The following PCDH1 variants were observed in gnomAD, a reference collection of about 807,000 sequenced individuals.
The protein encoded by PCDH1 is protocadherin 1.
PCDH1 carries 23 observed loss-of-function variants against 74.6 expected under a neutral mutation model. The observed-to-expected ratio is 0.31, with a 90% CI of 0.22 to 0.44. PCDH1 has a LOEUF of 0.44. Among genes scored for constraint, PCDH1 ranks in the 20% least tolerant of loss-of-function variants. The pLI is 1.00. For missense variants in PCDH1, 1,214 were observed against 1,641.4 expected (o/e 0.74, Z 4.50); for synonymous variants, 647 against 686.1 (o/e 0.94, Z 0.89).
In PCDH1 at chr5:141,863,493, A is replaced by T; in HGVS notation, c.2838T>A (p.Pro946=). The change falls in exon 3 of 5, where the codon CCT becomes CCA. Residue 946 remains proline (P), a synonymous_variant. Coordinates refer to ENST00000287008, the MANE Select transcript of PCDH1 (RefSeq NM_032420.5). This position sits in a 1 kb window ranked among gnomAD's most constrained non-coding sequence, Gnocchi z 7.5. ...GCAGGTGGATGCGGGGACTGTCCCC[A>T]GGGGCATCGCTCATCAGGTTGAACT... The part of the protein sequence containing the change: ...SLKFNLMSDA[P]GDSPRIHLPL... 1 of 1,610,716 alleles carries T rather than the reference A, an allele frequency of 6.2e-7. No homozygotes were observed. Among genetic ancestry groups the T allele is most frequent in the Non-Finnish European group, 8.5e-7 (1 of 1,178,378 alleles).
Position 141,863,415 on chromosome 5 carries a change from G to A in PCDH1, c.2916C>T (p.Asn972=). ...SPDLGRHYRS[N]SPLPSIQLQP... The stretch of plus-strand genomic sequence containing the variant: ...GCAGCTGGATGGAAGGCAGTGGGGA[G>A]TTAGAGCGATAGTGGCGGCCCAGGT... Residue 972 remains asparagine (N), a synonymous_variant, in exon 3 of 5, where the codon AAC becomes AAT. Coordinates refer to ENST00000287008, the MANE Select transcript of PCDH1 (RefSeq NM_032420.5). The surrounding 1 kb of genome is among the most constrained non-coding windows in gnomAD (Gnocchi z 7.5). 1.3e-6 allele frequency: 2 copies of A among 1,561,530 alleles called. No individual in the cohort carries two copies. Among genetic ancestry groups the A allele is most frequent in the Non-Finnish European group, 1.7e-6 (2 of 1,152,602 alleles).
chr5:141,864,047 A>G lies in PCDH1; in HGVS notation c.2284T>C (p.Tyr762His), dbSNP rs746122597. The part of the protein sequence containing the change: ...LIYSIAGGNP[Y>H]GLFQIGSHSG... ...TGTGACCCAATCTGGAAGAGTCCAT[A>G]AGGGTTGCCACCTGCAATGCTGTAG... The change falls in exon 3 of 5, where the codon TAT becomes CAT. Residue 762 changes from tyrosine (Y) to histidine (H), a missense_variant. Coordinates refer to ENST00000287008, the MANE Select transcript of PCDH1 (RefSeq NM_032420.5). This position sits in a 1 kb window ranked among gnomAD's most constrained non-coding sequence, Gnocchi z 5.9. The G allele has an allele frequency of 2.2e-5, 35 of 1,613,964 alleles. No individual in the cohort carries two copies. Among genetic ancestry groups the G allele is most frequent in the Non-Finnish European group, 3.0e-5 (35 of 1,179,984 alleles).
Position 141,862,265 on chromosome 5 carries a change from C to G in PCDH1, c.3099+967G>C, listed in dbSNP as rs117384976. ...GCTGAATGCTACTCCCTACCAGGTG[C>G]TCCAGTCTGAGGTCTGTCAGAGGCA... On this transcript the variant is annotated intron_variant, in intron 3 of 4. Transcript: ENST00000287008. 6.7e-4 allele frequency among the ~76,000 whole-genome samples: 102 copies of G among 152,320 alleles called. 1 individual carries two copies. The East Asian group carries it at 0.014, about 21-fold the overall frequency.
In PCDH1 at chr5:141,869,881, C is replaced by T. The variant is rs1010333753; in HGVS notation, c.41-450G>A. 35 of 838,652 alleles carry T rather than the reference C, an allele frequency of 4.2e-5. No individual in the cohort carries two copies. Among genetic ancestry groups the T allele is most frequent in the Non-Finnish European group, 4.7e-5 (33 of 696,000 alleles). The allele number at this position is 838,652 out of a possible 1,614,324, so 52.0% of individuals were successfully genotyped here. Reference sequence around the variant, plus strand: ...GAGAGCCAGTGGAAGGGTGAGACCTCGAGCATCCCCAACTGGAGCACCCCT... The same window carrying T: ...GAGAGCCAGTGGAAGGGTGAGACCTTGAGCATCCCCAACTGGAGCACCCCT... On this transcript the variant is annotated intron_variant, in intron 1 of 4. Coordinates refer to ENST00000287008, the MANE Select transcript of PCDH1 (RefSeq NM_032420.5). The surrounding 1 kb of genome is among the most constrained non-coding windows in gnomAD (Gnocchi z 4.9).
intron 1 of PCDH1, among the ~76,000 whole-genome samples, chr5:141,877,544 G>A (rs1425746378): frequency 1.3e-5 from 2 of 152,174 alleles, no homozygotes; most frequent in African/African-American, 2.4e-5. Context: ...GATTGTGTTT[G>A]TGTGTCCACG....
Position 141,863,538 on chromosome 5 carries a change from G to A in PCDH1, c.2793C>T (p.Ala931=), listed in dbSNP as rs952590669. ...TGAACTTGAGGGACTTCTGCAGCCC[G>A]GCCTCATCCTCGTCCTCCACTGGCT... The part of the protein sequence containing the change: ...PVKPVEDEDE[A]GLQKSLKFNL... Residue 931 remains alanine, a synonymous_variant, in exon 3 of 5, where the codon GCC becomes GCT. Transcript: ENST00000287008. This position sits in a 1 kb window ranked among gnomAD's most constrained non-coding sequence, Gnocchi z 7.5. 1.2e-5 allele frequency: 20 copies of A among 1,614,056 alleles called. No homozygotes were observed. The highest frequency in any genetic ancestry group is 2.2e-5 in the South Asian group (2 of 91,074).
rs143996140 is a variant in PCDH1, at chr5:141,863,958, C to G, written c.2373G>C (p.Val791=). 677 of 1,614,168 alleles carry G rather than the reference C, an allele frequency of 4.2e-4. 1 individual carries two copies. The African/African-American group carries it at 7.9e-3, about 19-fold the overall frequency. Residue 791 remains valine (V), a synonymous_variant, in exon 3 of 5, where the codon GTG becomes GTC. Coordinates refer to ENST00000287008, the MANE Select transcript of PCDH1 (RefSeq NM_032420.5). This position sits in a 1 kb window ranked among gnomAD's most constrained non-coding sequence, Gnocchi z 7.5. The stretch of plus-strand genomic sequence containing the variant: ...GCTTGCCGCGGTCACTGACCTTCAC[C>G]ACCAGGCGGTGTAGCCCATGGTGGC... ...ERRHHGLHRL[V]VKVSDRGKPP... is the part of the protein sequence containing the mutation.
At position 141,854,040 on chromosome 5, in the gene PCDH1, G is replaced by A. The variant is rs765425424; in HGVS notation, c.*2C>T. ...AGGGGGGCCGGCCGGCCAGTAGGGG[G>A]CTCACAGGTAGATCTCGCGCTTGGC... is the stretch of plus-strand genomic sequence containing the variant. On this transcript the variant is annotated 3_prime_UTR_variant, in exon 5 of 5. Coordinates refer to ENST00000287008, the MANE Select transcript of PCDH1 (RefSeq NM_032420.5). 4 of 1,504,362 alleles carry A rather than the reference G, an allele frequency of 2.7e-6. No homozygotes were observed. The highest frequency in any genetic ancestry group is 1.4e-5 in the African/African-American group (1 of 71,558). The allele number at this position is 1,504,362 out of a possible 1,614,324, so 93.2% of individuals were successfully genotyped here.
At position 141,868,502 on chromosome 5, in the gene PCDH1, C is replaced by G. The variant is rs758554705; in HGVS notation, c.903+67G>C. The G allele has an allele frequency of 1.3e-6, 2 of 1,509,186 alleles. No individual in the cohort carries two copies. The highest frequency in any genetic ancestry group is 8.8e-7 in the Non-Finnish European group (1 of 1,130,986). The allele number at this position is 1,509,186 out of a possible 1,614,324, so 93.5% of individuals were successfully genotyped here. A position where few individuals can be genotyped will look rare whatever the true frequency, so the allele number is the denominator to read the frequency against. ...TCCCCTAAGTGAAGGGAACTCTCAC[C>G]TGGTTGGGTGGGCTCCCATTTCTAG... is the stretch of plus-strand genomic sequence containing the variant. On this transcript the variant is annotated intron_variant, in intron 2 of 4. Transcript: ENST00000287008. This position sits in a 1 kb window ranked among gnomAD's most constrained non-coding sequence, Gnocchi z 4.8.
At position 141,863,295 on chromosome 5, in the gene PCDH1, C is replaced by T. The variant is rs748478263; in HGVS notation, c.3036G>A (p.Thr1012=). ...TGTAGTCGGAGTACTGCTCAGAGCCCGTGGACGTGGTGTCCCCGGTGCCCA... is the reference window on the plus strand; with the variant it reads ...TGTAGTCGGAGTACTGCTCAGAGCCTGTGGACGTGGTGTCCCCGGTGCCCA... ...TFVGTGDTTS[T]GSEQYSDYSY... Residue 1012 remains threonine, a synonymous_variant, in exon 3 of 5, where the codon ACG becomes ACA. Transcript: ENST00000287008. The surrounding 1 kb of genome is among the most constrained non-coding windows in gnomAD (Gnocchi z 7.5). 1.2e-5 allele frequency: 19 copies of T among 1,576,740 alleles called. No homozygotes were observed. The highest frequency in any genetic ancestry group is 5.4e-5 in the Admixed American group (3 of 55,280).
chr5:141,867,699 T>G (rs1037260703), intron 2 of PCDH1: 1 of 420,656 alleles, frequency 2.4e-6, no homozygotes, highest in Admixed American at 3.0e-5. Context: ...CCAGGATGGG[T>G]AATGGTGTCC....
At chr5:141,856,306 T>A in intron 4 of PCDH1, 1 of 1,100,768 alleles carries the variant, frequency 9.1e-7, no homozygotes, top group Middle Eastern at 2.2e-4. Flanking sequence ...AGATCGCGCA[T>A]GGAGGGGCGG....
Position 141,858,252 on chromosome 5 carries a change from G to C in PCDH1, c.3100-781C>G, listed in dbSNP as rs559101059. ...GGCCTGGGAGTGGAAAAAAAGGGAG[G>C]AGCCTGATAACAAACCAGGGCACCT... On this transcript the variant is annotated intron_variant, in intron 3 of 4. Transcript: ENST00000287008. 3.3e-5 allele frequency among the ~76,000 whole-genome samples: 5 copies of C among 152,286 alleles called. No homozygotes were observed. In the East Asian group the frequency reaches 9.6e-4, roughly 29 times the overall value.
intron 1 of PCDH1, among the ~76,000 whole-genome samples, chr5:141,874,208 AG>A (rs941101857): frequency 2.6e-5 from 4 of 152,176 alleles, no homozygotes; most frequent in African/African-American, 9.7e-5. Context: ...CTGTTCACCC[AG>A]GGGCCCGTAG....
intron 3 of PCDH1, among the ~76,000 whole-genome samples, chr5:141,862,110 G>T (rs1378457374): frequency 6.6e-6 from 1 of 152,184 alleles, no homozygotes; most frequent in Non-Finnish European, 1.5e-5. Context: ...GAGGGCCAGC[G>T]AATTGCTGGG....
rs1316636065 is a variant in PCDH1, at chr5:141,869,835, C to T, written c.41-404G>A. 1.0e-6 allele frequency: 1 copy of T among 980,736 alleles called. No individual in the cohort carries two copies. Among genetic ancestry groups the T allele is most frequent in the African/African-American group, 1.7e-5 (1 of 57,144 alleles). The allele number at this position is 980,736 out of a possible 1,614,324, so 60.8% of individuals were successfully genotyped here. The stretch of plus-strand genomic sequence containing the variant: ...TGCCTTAGTCACCGATGGTAATTAC[C>T]TTGATACTGAGATAGGGAGAGAGAG... On this transcript the variant is annotated intron_variant, in intron 1 of 4. Coordinates refer to ENST00000287008, the MANE Select transcript of PCDH1 (RefSeq NM_032420.5). The surrounding 1 kb of genome is among the most constrained non-coding windows in gnomAD (Gnocchi z 4.9).
Position 141,865,370 on chromosome 5 carries a change from G to T in PCDH1, c.961C>A (p.Gln321Lys), listed in dbSNP as rs531215232. The T allele has an allele frequency of 3.2e-5, 51 of 1,614,042 alleles. No individual in the cohort carries two copies. The Admixed American group carries it at 6.2e-4, about 20-fold the overall frequency. Residue 321 changes from glutamine (Q) to lysine (K), a missense_variant, in exon 3 of 5, where the codon CAG (glutamine) becomes AAG (lysine). Gln to Lys is a moderately conservative substitution (Grantham distance 53, BLOSUM62 1). Around this residue, in one of 4 missense-constraint regions of PCDH1, gnomAD observed 836 missense variants for 1,182.2 expected, o/e 0.71. Coordinates refer to ENST00000287008, the MANE Select transcript of PCDH1 (RefSeq NM_032420.5). This position sits in a 1 kb window ranked among gnomAD's most constrained non-coding sequence, Gnocchi z 4.4. The part of the protein sequence containing the change: ...ANAEIEYTFH[Q>K]APEVVRRLLR... ...AGACGCCTCACAACTTCGGGCGCCT[G>T]GTGGAATGTGTATTCGATTTCTGCA...
At chr5:141,856,454 G>A (rs1021659467) in intron 4 of PCDH1, among the ~76,000 whole-genome samples, 11 of 152,136 alleles carry the variant, frequency 7.2e-5, no homozygotes, top group African/African-American at 2.7e-4. Flanking sequence ...TTTGAGTTGA[G>A]GGAGTGGGTG....
chr5:141,859,189 G>A (rs1355017699), intron 3 of PCDH1, among the ~76,000 whole-genome samples: 3 of 152,098 alleles, frequency 2.0e-5, no homozygotes, highest in African/African-American at 4.8e-5. Context: ...GAGGGGTCTG[G>A]GAGGCACAGG....
Sources: allele counts gnomAD v4.1 joint callset (sites outside exome capture counted in the v4.1 genomes callset), GRCh38; gene constraint gnomAD v4.1.1; regional missense constraint gnomAD v4.1.1; non-coding constraint Gnocchi (gnomAD v3.1); transcripts MANE v1.5; gene names NCBI Gene and HGNC (gene_info 2026-07-23, HGNC 2026-07-21).